Variants in RHEX observed in about 807,000 individuals in gnomAD.
The protein encoded by RHEX is regulator of hemoglobinization and erythroid cell expansion.
A neutral mutation model predicts 20.1 loss-of-function variants in RHEX; 18 were observed. That is an observed-to-expected ratio of 0.90 (90% CI 0.62 to 1.33). RHEX has a LOEUF of 1.33. Among genes scored for constraint, RHEX ranks in the 40% most tolerant of loss-of-function variants. RHEX has a pLI of 0.00. For missense variants in RHEX, 192 were observed against 214.3 expected, an observed-to-expected ratio of 0.90 and a Z score of 0.65; for synonymous variants, 87 against 77.1, an observed-to-expected ratio of 1.13 and a Z score of -0.67.
intron 1 of RHEX, among the ~76,000 whole-genome samples, chr1:206,084,322 C>G (rs1428842649): frequency 1.3e-5 from 2 of 152,150 alleles, no homozygotes; most frequent in African/African-American, 4.8e-5. Flanking sequence ...AAAACAGAAA[C>G]AGTCGACCCT....
chr1:206,078,115 C>T (rs1186013223), intron 1 of RHEX, among the ~76,000 whole-genome samples: 3 of 152,202 alleles, frequency 2.0e-5, no homozygotes, highest in Non-Finnish European at 4.4e-5. Context: ...CGTGTTCAGG[C>T]TTGGGTTCCA....
intron 1 of RHEX, among the ~76,000 whole-genome samples, chr1:206,072,075 C>T (rs1032993770): frequency 2.0e-4 from 30 of 151,980 alleles, no homozygotes; most frequent in African/African-American, 6.8e-4. Context: ...TAAACAGGAA[C>T]GCAACAAATA....
At chr1:206,064,067 G>A (rs1219882869) in intron 1 of RHEX, among the ~76,000 whole-genome samples, 4 of 148,344 alleles carry the variant, frequency 2.7e-5, no homozygotes, top group Non-Finnish European at 6.0e-5. Flanking sequence ...TGTGAGGAGC[G>A]CCTCTGCCCA....
intron 5 of RHEX, 48 bp from the exon 6 acceptor site, chr1:206,101,704 C>G: frequency 6.9e-7 from 1 of 1,452,256 alleles, no homozygotes; most frequent in Non-Finnish European, 9.5e-7. Context: ...TTATTTCCCC[C>G]AAACGTGGTA....
intron 1 of RHEX, among the ~76,000 whole-genome samples, chr1:206,068,632 G>A (rs1304400901): frequency 1.3e-5 from 2 of 152,136 alleles, no homozygotes; most frequent in African/African-American, 4.8e-5. Context: ...TCTCAGGATG[G>A]GCCCCAGAGT....
rs533308754 is a variant in RHEX, at chr1:206,058,024, G to A, written c.-97+4759G>A. Among the ~76,000 whole-genome samples the A allele has an allele frequency of 6.6e-5, 10 of 152,358 alleles. No individual in the cohort carries two copies. The East Asian group carries it at 7.7e-4, about 12-fold the overall frequency. On this transcript the variant is annotated intron_variant, in intron 1 of 5. Coordinates refer to ENST00000331555, the MANE Select transcript of RHEX (RefSeq NM_001007544.4). ...GCTAGCAGCTGAAGGAGGAGTTTGT[G>A]AAAAATTTGACCTTACTAATTATTG...
At chr1:206,056,524 C>G (rs1341454151) in intron 1 of RHEX, 1 of 152,258 alleles carries the variant, frequency 6.6e-6, no homozygotes, top group East Asian at 1.9e-4. Flanking sequence ...TACCAGGACT[C>G]TAAAAGAAAC....
At chr1:206,076,903 C>T (rs1029993524) in intron 1 of RHEX, among the ~76,000 whole-genome samples, 11 of 152,210 alleles carry the variant, frequency 7.2e-5, no homozygotes, top group South Asian at 2.1e-4. Context: ...ATGTCATCCA[C>T]GACTCTGCTT....
At chr1:206,092,616 A>G (rs1345257457) in intron 1 of RHEX, among the ~76,000 whole-genome samples, 1 of 152,180 alleles carries the variant, frequency 6.6e-6, no homozygotes, top group Non-Finnish European at 1.5e-5. Flanking sequence ...CTTTTCTAGG[A>G]AACTATCCAT....
intron 1 of RHEX, among the ~76,000 whole-genome samples, chr1:206,075,828 C>T (rs1662625620): frequency 6.6e-6 from 1 of 152,110 alleles, no homozygotes; most frequent in Non-Finnish European, 1.5e-5. Context: ...TTTTGAACTC[C>T]TGACCTCAAG....
In RHEX at chr1:206,102,001, T is replaced by G. The variant is rs782797387; in HGVS notation, c.*49T>G. On this transcript the variant is annotated 3_prime_UTR_variant, in exon 6 of 6. Coordinates refer to ENST00000331555, the MANE Select transcript of RHEX (RefSeq NM_001007544.4). ...CCAGTTCTCTATGGATTCTTACATT[T>G]AATTTGTAGGGAAATGCCATTTTTC... 6.9e-7 allele frequency: 1 copy of G among 1,441,538 alleles called. No individual in the cohort carries two copies. Among genetic ancestry groups the G allele is most frequent in the South Asian group, 1.2e-5 (1 of 86,860 alleles). 89.3% of individuals were successfully genotyped at this position (1,441,538 alleles called of 1,614,324 possible).
chr1:206,078,155 A>C (rs537616313), intron 1 of RHEX, among the ~76,000 whole-genome samples: 7 of 152,294 alleles, frequency 4.6e-5, no homozygotes, highest in African/African-American at 1.7e-4. Flanking sequence ...TGTATATGAA[A>C]ATATTCCAAA....
At chr1:206,090,202 C>CTTTTTTTT (rs59499927) in intron 1 of RHEX, among the ~76,000 whole-genome samples, 75 of 112,574 alleles carry the variant, frequency 6.7e-4, no homozygotes, top group South Asian at 1.2e-3. Context: ...TCTTTTCTTT[C>CTTTTTTTT]TTTTTTTTTT....
At chr1:206,098,505 C>T in intron 3 of RHEX, 1 of 270,744 alleles carries the variant, frequency 3.7e-6, no homozygotes, top group Non-Finnish European at 7.1e-6. Flanking sequence ...TAATTTTCTT[C>T]ATCCCTGTTA....
At position 206,101,344 on chromosome 1, in the gene RHEX, G is replaced by A. The variant is rs114734177; in HGVS notation, c.318+147G>A. On this transcript the variant is annotated intron_variant, in intron 5 of 5. Coordinates refer to ENST00000331555, the MANE Select transcript of RHEX (RefSeq NM_001007544.4). ...GTCATCACAGCATCCTCAGGTGAGG[G>A]GGGGTCAGGCTTCCACCCATAACCC... 786 of 664,092 alleles carry A rather than the reference G, an allele frequency of 1.2e-3. 2 individuals carry two copies. The African/African-American group carries it at 0.013, about 11-fold the overall frequency. 41.1% of individuals were successfully genotyped at this position (664,092 alleles called of 1,614,324 possible). A position where few individuals can be genotyped will look rare whatever the true frequency, so the allele number is the denominator to read the frequency against.
chr1:206,071,493 CTGA>C (rs1422870958), intron 1 of RHEX, among the ~76,000 whole-genome samples: 1 of 145,184 alleles, frequency 6.9e-6, no homozygotes, highest in African/African-American at 2.6e-5. Context: ...AACCATCATA[CTGA>C]TGATATTATA....
intron 1 of RHEX, among the ~76,000 whole-genome samples, chr1:206,095,230 T>C (rs1266148769): frequency 6.6e-6 from 1 of 152,042 alleles, no homozygotes; most frequent in Non-Finnish European, 1.5e-5. Context: ...AGTGAACAAA[T>C]CATGTCCCAG....
At chr1:206,096,629 G>A (rs1330441304) in intron 1 of RHEX, among the ~76,000 whole-genome samples, 1 of 152,230 alleles carries the variant, frequency 6.6e-6, no homozygotes, top group Non-Finnish European at 1.5e-5. Flanking sequence ...TTTCAAGACA[G>A]CTCTGCCCCT....
At chr1:206,073,652 G>A (rs559625906) in intron 1 of RHEX, among the ~76,000 whole-genome samples, 2 of 152,076 alleles carry the variant, frequency 1.3e-5, no homozygotes, top group Non-Finnish European at 2.9e-5. Context: ...GTATCCCGCT[G>A]TTCCTCCATG....
Sources: allele counts gnomAD v4.1 joint callset (sites outside exome capture counted in the v4.1 genomes callset), GRCh38; gene constraint gnomAD v4.1.1; transcripts MANE v1.5; gene names NCBI Gene and HGNC (gene_info 2026-07-23, HGNC 2026-07-21).